Variants in PRKAA2 observed in about 807,000 individuals in gnomAD.
PRKAA2 encodes the protein 5'-AMP-activated protein kinase catalytic subunit alpha-2.
PRKAA2 carries 40 observed loss-of-function variants against 56.3 expected under a neutral mutation model. The observed-to-expected ratio is 0.71, with a 90% confidence interval of 0.55 to 0.92. PRKAA2 has a LOEUF of 0.92. Ranked by LOEUF, PRKAA2 falls within the 40% of genes least tolerant of loss-of-function variation. The pLI, the probability that PRKAA2 is intolerant of heterozygous loss-of-function variation, is 0.00. For synonymous variants in PRKAA2, 214 were observed against 234.2 expected, an observed-to-expected ratio of 0.91 and a Z score of 0.79; for missense variants, 542 against 686.9, an observed-to-expected ratio of 0.79 and a Z score of 2.36.
intron 1 of PRKAA2, among the ~76,000 whole-genome samples, chr1:56,650,159 T>G (rs978791618): frequency 2.0e-5 from 3 of 152,098 alleles, no homozygotes; most frequent in African/African-American, 7.2e-5. Flanking sequence ...TGGACCAAAG[T>G]TAGGGACAAA....
chr1:56,645,401 A>C lies in PRKAA2; in HGVS notation c.14A>C (p.Gln5Pro). Residue 5 changes from glutamine to proline, a missense_variant, in exon 1 of 9, where the codon CAG becomes CCG. By Grantham distance (76) the Gln-to-Pro change is moderately conservative. Around this residue, in one of 5 missense-constraint regions of PRKAA2, gnomAD observed 59 missense variants for 53.9 expected, o/e 1.09. Transcript: ENST00000371244. ...CGCGCGCCGAAGATGGCTGAGAAGC[A>C]GAAGCACGACGGGCGGGTGAAGATC... MAEK[Q>P]KHDGRVKIGH... is the part of the protein sequence containing the mutation. The C allele has an allele frequency of 1.3e-6, 2 of 1,503,216 alleles. No homozygotes were observed. The highest frequency in any genetic ancestry group is 1.2e-5 in the South Asian group (1 of 82,376). The allele number at this position is 1,503,216 out of a possible 1,614,324, so 93.1% of individuals were successfully genotyped here.
At chr1:56,647,552 C>A (rs139196439) in intron 1 of PRKAA2, among the ~76,000 whole-genome samples, 17 of 152,230 alleles carry the variant, frequency 1.1e-4, no homozygotes, top group Admixed American at 9.2e-4. Context: ...ATGAGAAATT[C>A]TTTTCCTGGA....
rs190741217 is a variant in PRKAA2 at position 56,692,440 on chromosome 1, G to A, written c.413G>A (p.Arg138Gln). 3.1e-6 allele frequency: 5 copies of A among 1,614,070 alleles called. No homozygotes were observed. The highest frequency in any genetic ancestry group is 8.5e-7 in the Non-Finnish European group (1 of 1,179,972). Reference sequence around the variant, plus strand: ...TGTCATAGGCATATGGTTGTTCATCGAGACCTGAAACCAGAGAATGTCCTG... The same window carrying A: ...TGTCATAGGCATATGGTTGTTCATCAAGACCTGAAACCAGAGAATGTCCTG... ...DYCHRHMVVH[R>Q]DLKPENVLLD... Residue 138 changes from arginine to glutamine, a missense_variant, in exon 4 of 9, where the codon CGA becomes CAA. Around this residue, in one of 5 missense-constraint regions of PRKAA2, gnomAD observed 121 missense variants for 210.0 expected, o/e 0.58. Coordinates refer to ENST00000371244, the MANE Select transcript of PRKAA2 (RefSeq NM_006252.4).
chr1:56,704,231 C>A lies in PRKAA2; in HGVS notation c.1049C>A (p.Ser350Tyr). ...FYLASSPPSGSFMDDSAMHIP... is the reference protein window; with the variant it reads ...FYLASSPPSGYFMDDSAMHIP... ...CTCGCCTCTAGTCCTCCATCTGGTT[C>A]TTTTATGGATGATAGTGCCATGCAT... Residue 350 changes from serine to tyrosine, a missense_variant, in exon 7 of 9, where the codon TCT becomes TAT. Ser to Tyr is a moderately radical substitution (Grantham distance 144). Transcript: ENST00000371244. 1 of 1,614,140 alleles carries A rather than the reference C, an allele frequency of 6.2e-7. No individual in the cohort carries two copies. Among genetic ancestry groups the A allele is most frequent in the South Asian group, 1.1e-5 (1 of 91,074 alleles).
At chr1:56,674,178 G>A (rs541063408) in intron 1 of PRKAA2, among the ~76,000 whole-genome samples, 1 of 152,250 alleles carries the variant, frequency 6.6e-6, no homozygotes, top group South Asian at 2.1e-4. Flanking sequence ...AAGATACAGA[G>A]ATGACTAAGA....
At chr1:56,646,527 T>C (rs917611022) in intron 1 of PRKAA2, among the ~76,000 whole-genome samples, 20 of 152,236 alleles carry the variant, frequency 1.3e-4, no homozygotes, top group Non-Finnish European at 2.5e-4. Context: ...ATTTGTTTTC[T>C]TTTTTGTTAA....
At chr1:56,662,824 C>T (rs1050555662) in intron 1 of PRKAA2, among the ~76,000 whole-genome samples, 4 of 128,702 alleles carry the variant, frequency 3.1e-5, no homozygotes, top group Non-Finnish European at 7.0e-5. Flanking sequence ...AAGTTGGATG[C>T]CTAATGATTT....
At chr1:56,665,924 GTTA>G (rs1644032856) in intron 1 of PRKAA2, among the ~76,000 whole-genome samples, 1 of 152,048 alleles carries the variant, frequency 6.6e-6, no homozygotes, top group South Asian at 2.1e-4. Context: ...GGTGCTGATG[GTTA>G]TTATTTTTTC....
chr1:56,674,323 T>G, intron 1 of PRKAA2, 58 bp from the exon 2 acceptor site: 6 of 1,398,430 alleles, frequency 4.3e-6, no homozygotes, highest in Non-Finnish European at 5.7e-6. Flanking sequence ...GAAGGAAGCA[T>G]GAATAAATGA....
chr1:56,664,229 T>C (rs1644017179), intron 1 of PRKAA2, among the ~76,000 whole-genome samples: 1 of 152,208 alleles, frequency 6.6e-6, no homozygotes, highest in Admixed American at 6.5e-5. Flanking sequence ...CTTCCATTAA[T>C]GCTTCGATAT....
chr1:56,696,773 G>A (rs928062263), intron 6 of PRKAA2, among the ~76,000 whole-genome samples: 1 of 152,066 alleles, frequency 6.6e-6, no homozygotes, highest in Non-Finnish European at 1.5e-5. Context: ...AGGCTTTTTT[G>A]TCACTTGAGA....
chr1:56,654,999 T>A (rs2746355), intron 1 of PRKAA2, among the ~76,000 whole-genome samples: 28,807 of 151,526 alleles, frequency 0.19, 3,208 homozygotes, highest in South Asian at 0.36. Flanking sequence ...ACTTTGTTTT[T>A]TCAGAATCAT....
At chr1:56,651,767 G>A (rs531718378) in intron 1 of PRKAA2, among the ~76,000 whole-genome samples, 2 of 151,888 alleles carry the variant, frequency 1.3e-5, no homozygotes, top group South Asian at 2.1e-4. Flanking sequence ...ATTATAAAAT[G>A]TGCTGAATTC....
chr1:56,674,587 TATA>T, intron 2 of PRKAA2, 65 bp downstream of exon 2: 6 of 1,282,866 alleles, frequency 4.7e-6, no homozygotes, highest in Non-Finnish European at 6.3e-6. Context: ...TTAGGAATTT[TATA>T]ATAATTGTTA....
chr1:56,661,182 G>A (rs2100390193), intron 1 of PRKAA2, among the ~76,000 whole-genome samples: 2 of 152,232 alleles, frequency 1.3e-5, no homozygotes, highest in East Asian at 3.9e-4. Flanking sequence ...GGTATATAGT[G>A]TCCTCCAAAT....
At chr1:56,700,516 C>G (rs1644287072) in intron 6 of PRKAA2, among the ~76,000 whole-genome samples, 1 of 152,148 alleles carries the variant, frequency 6.6e-6, no homozygotes, top group South Asian at 2.1e-4. Context: ...TTCCAAAGAC[C>G]CCTCTGGAAA....
At chr1:56,691,076 T>C (rs1003957851) in intron 2 of PRKAA2, among the ~76,000 whole-genome samples, 2 of 152,226 alleles carry the variant, frequency 1.3e-5, no homozygotes. Flanking sequence ...TCTTTAAATA[T>C]GTGATACCTC....
At chr1:56,692,184 A>G (rs1350916790) in intron 3 of PRKAA2, among the ~76,000 whole-genome samples, 174 bp from the exon 4 acceptor site, 2 of 152,006 alleles carry the variant, frequency 1.3e-5, no homozygotes, top group African/African-American at 4.8e-5. Flanking sequence ...GGTGCATGTC[A>G]CCATGCCCGG....
At chr1:56,697,157 G>A (rs1346611877) in intron 6 of PRKAA2, among the ~76,000 whole-genome samples, 1 of 151,220 alleles carries the variant, frequency 6.6e-6, no homozygotes, top group Non-Finnish European at 1.5e-5. Flanking sequence ...GGGACTATAG[G>A]CACAAGCCAC....
Sources: allele counts gnomAD v4.1 joint callset (sites outside exome capture counted in the v4.1 genomes callset), GRCh38; gene constraint gnomAD v4.1.1; regional missense constraint gnomAD v4.1.1; transcripts MANE v1.5; gene names NCBI Gene and HGNC (gene_info 2026-07-23, HGNC 2026-07-21).